Variants in DNTT observed in about 807,000 individuals in gnomAD.
DNTT encodes nucleosidetriphosphate:DNA deoxynucleotidylexotransferase.
A neutral mutation model predicts 60.9 loss-of-function variants in DNTT; 47 were observed. The ratio of observed to expected loss-of-function variants is 0.77; its 90% CI spans 0.61 to 0.98. The LOEUF (loss-of-function observed/expected upper bound fraction) is 0.98, where lower values mean the gene tolerates loss of function less well. DNTT is among the 50% of genes least tolerant of loss of function. The pLI is 0.00. For missense variants in DNTT, 665 were observed against 627.5 expected (o/e 1.06, Z -0.64); for synonymous variants, 224 against 221.2 (o/e 1.01, Z -0.11).
chr10:96,316,500 A>T (rs917663273), intron 1 of DNTT, among the ~76,000 whole-genome samples: 1 of 152,184 alleles, frequency 6.6e-6, no homozygotes, highest in African/African-American at 2.4e-5. Flanking sequence ...AGAAAATAAG[A>T]TCAAACCTCC....
intron 3 of DNTT, 96 bp downstream of exon 3, chr10:96,319,486 G>A (rs1197704156): frequency 6.4e-7 from 1 of 1,561,362 alleles, no homozygotes; most frequent in Admixed American, 1.8e-5. Context: ...CTGAAAACCT[G>A]GGAAAGTTTT....
intron 1 of DNTT, among the ~76,000 whole-genome samples, chr10:96,311,707 G>T (rs1233011198): frequency 1.3e-5 from 2 of 152,210 alleles, no homozygotes; most frequent in Non-Finnish European, 2.9e-5. Flanking sequence ...GCAGTGGCAC[G>T]ATCTCAGCTC....
intron 1 of DNTT, among the ~76,000 whole-genome samples, chr10:96,317,764 C>A (rs555911277): frequency 1.3e-5 from 2 of 152,222 alleles, no homozygotes; most frequent in Admixed American, 6.5e-5. Context: ...ACCCCTTGAT[C>A]ATGGACTTTC....
In DNTT at chr10:96,319,410, A is replaced by G; in HGVS notation, c.507+20A>G. 6.2e-7 allele frequency: 1 copy of G among 1,612,962 alleles called. No individual in the cohort carries two copies. Among genetic ancestry groups the G allele is most frequent in the Non-Finnish European group, 8.5e-7 (1 of 1,179,206 alleles). On this transcript the variant is annotated intron_variant, in intron 3 of 10. Coordinates refer to ENST00000371174, the MANE Select transcript of DNTT (RefSeq NM_004088.4). Reference sequence around the variant, plus strand: ...TTCACGGTAACGGGACTTTACATCAACACCCAGGGCAAACGAAGGGCTTGC... The same window carrying G: ...TTCACGGTAACGGGACTTTACATCAGCACCCAGGGCAAACGAAGGGCTTGC...
chr10:96,328,206 G>A (rs1298062304), intron 7 of DNTT, among the ~76,000 whole-genome samples: 1 of 152,218 alleles, frequency 6.6e-6, no homozygotes, highest in East Asian at 1.9e-4. Flanking sequence ...CTGCATTTCA[G>A]AAAGGGATTT....
chr10:96,321,767 A>G (rs1288336657), intron 4 of DNTT, among the ~76,000 whole-genome samples: 1 of 152,074 alleles, frequency 6.6e-6, no homozygotes, highest in Non-Finnish European at 1.5e-5. Context: ...GTCGCCTGAC[A>G]TTCCTGGTTT....
chr10:96,307,554 C>T (rs1035534387), intron 1 of DNTT, among the ~76,000 whole-genome samples: 2 of 149,614 alleles, frequency 1.3e-5, no homozygotes, highest in African/African-American at 2.4e-5. Context: ...TGGGGTTTCA[C>T]GATGTTGGCC....
At chr10:96,319,183 C>G in intron 2 of DNTT, 79 bp from the exon 3 acceptor site, 1 of 1,506,840 alleles carries the variant, frequency 6.6e-7, no homozygotes, top group Non-Finnish European at 8.9e-7. Context: ...CTACAGACAA[C>G]TACTTCCAAA....
chr10:96,323,721 C>G (rs1373927814), intron 5 of DNTT, among the ~76,000 whole-genome samples: 1 of 152,170 alleles, frequency 6.6e-6, no homozygotes. Flanking sequence ...GAAGGGACTT[C>G]CACCAGTTCC....
chr10:96,326,121 A>T (rs2133991729), intron 6 of DNTT, among the ~76,000 whole-genome samples: 1 of 151,622 alleles, frequency 6.6e-6, no homozygotes, highest in Non-Finnish European at 1.5e-5. Flanking sequence ...TTAAAGAAAT[A>T]GTTGTGAATC....
In DNTT at chr10:96,319,175, A is replaced by G. The variant is rs1206135084; in HGVS notation, c.379-87A>G. 7 of 1,467,668 alleles carry G rather than the reference A, an allele frequency of 4.8e-6. No individual in the cohort carries two copies. The East Asian group carries it at 6.9e-5, about 14-fold the overall frequency. 90.9% of individuals were successfully genotyped at this position (1,467,668 alleles called of 1,614,324 possible). ...TCTCCTATAATTTTATCCTCCAACT[A>G]CAGACAACTACTTCCAAATTTTTTC... On this transcript the variant is annotated intron_variant, in intron 2 of 10. Coordinates refer to ENST00000371174, the MANE Select transcript of DNTT (RefSeq NM_004088.4).
intron 9 of DNTT, among the ~76,000 whole-genome samples, chr10:96,333,093 T>A (rs554289849): frequency 6.6e-6 from 1 of 152,304 alleles, no homozygotes; most frequent in Admixed American, 6.5e-5. Flanking sequence ...TTATCCAGCA[T>A]ATACAAGGAA....
chr10:96,319,206 A>C, intron 2 of DNTT, 56 bp from the exon 3 acceptor site: 1 of 1,578,926 alleles, frequency 6.3e-7, no homozygotes, highest in Non-Finnish European at 8.6e-7. Flanking sequence ...TTTTCCGTAC[A>C]TATCTGTTAT....
intron 1 of DNTT, among the ~76,000 whole-genome samples, chr10:96,305,588 T>C (rs1243315186): frequency 6.6e-6 from 1 of 152,220 alleles, no homozygotes; most frequent in African/African-American, 2.4e-5. Flanking sequence ...GTTGACCGCT[T>C]TGACTGTGCA....
chr10:96,314,488 C>T (rs1028500167), intron 1 of DNTT, among the ~76,000 whole-genome samples: 1 of 135,574 alleles, frequency 7.4e-6, no homozygotes, highest in African/African-American at 2.7e-5. Context: ...TCTCAACTCA[C>T]TGCAACCTCC....
At chr10:96,334,519 C>T (rs913927636) in intron 9 of DNTT, among the ~76,000 whole-genome samples, 3 of 152,114 alleles carry the variant, frequency 2.0e-5, no homozygotes, top group Admixed American at 6.5e-5. Flanking sequence ...GAAATGGGTT[C>T]GTAGAGGGTT....
intron 1 of DNTT, among the ~76,000 whole-genome samples, chr10:96,307,925 T>C (rs2133982185): frequency 6.6e-6 from 1 of 151,808 alleles, no homozygotes; most frequent in South Asian, 2.1e-4. Context: ...ATGCGGGCCA[T>C]GCCCGGCTAA....
intron 8 of DNTT, among the ~76,000 whole-genome samples, chr10:96,331,544 C>T (rs955222420): frequency 6.6e-6 from 1 of 152,080 alleles, no homozygotes; most frequent in Non-Finnish European, 1.5e-5. Flanking sequence ...CTCTTTGTAA[C>T]CCCCAGCTTT....
intron 8 of DNTT, among the ~76,000 whole-genome samples, 168 bp downstream of exon 8, chr10:96,328,998 G>T (rs191837767): frequency 6.6e-6 from 1 of 151,978 alleles, no homozygotes. Flanking sequence ...CCTGTTTTGG[G>T]TCCTAGAGTA....
Sources: allele counts gnomAD v4.1 joint callset (sites outside exome capture counted in the v4.1 genomes callset), GRCh38; gene constraint gnomAD v4.1.1; transcripts MANE v1.5; gene names NCBI Gene and HGNC (gene_info 2026-07-23, HGNC 2026-07-21).